EXOC3L4: variants seen among roughly 807,000 people sequenced by gnomAD.
EXOC3L4 encodes the protein exocyst complex component 3-like protein 4.
EXOC3L4 carries 62 observed loss-of-function variants against 69.7 expected under a neutral mutation model. The observed-to-expected ratio is 0.89, with a 90% CI of 0.72 to 1.10. The LOEUF is 1.10. EXOC3L4 is among the 50% of genes least tolerant of loss of function. The pLI is 0.00. For missense variants in EXOC3L4, 1,087 were observed against 1,034.8 expected, an observed-to-expected ratio of 1.05 and a Z score of -0.69; for synonymous variants, 502 against 464.2, an observed-to-expected ratio of 1.08 and a Z score of -1.05.
At position 103,104,082 on chromosome 14, in the gene EXOC3L4, C is replaced by T. The variant is rs753008931; in HGVS notation, c.1161+30C>T. On this transcript the variant is annotated intron_variant, in intron 4 of 11. Coordinates refer to ENST00000688303, the MANE Select transcript of EXOC3L4 (RefSeq NM_001077594.2). ...GGCCGGGCGGGTCAGGCTGGGCGGG[C>T]CAGGCTGGAGGGGGCGGGCCCTGGG... The T allele has an allele frequency of 9.9e-6, 15 of 1,520,240 alleles. No individual in the cohort carries two copies. The South Asian group carries it at 1.6e-4, about 16-fold the overall frequency. The allele number at this position is 1,520,240 out of a possible 1,614,324, so 94.2% of individuals were successfully genotyped here.
rs12589310 is a variant in EXOC3L4, at chr14:103,107,876, G to C, written c.1854+93G>C. On this transcript the variant is annotated intron_variant, in intron 10 of 11. Coordinates refer to ENST00000688303, the MANE Select transcript of EXOC3L4 (RefSeq NM_001077594.2). ...TTAGCGCCGGGAGGGCTTTTGGCAG[G>C]AGTGGTTCTCCCCACTCTGGATCAG... 1,726 of 1,436,372 alleles carry C rather than the reference G, an allele frequency of 1.2e-3. 36 individuals carry two copies. The East Asian group carries it at 0.035, about 29-fold the overall frequency. The allele number at this position is 1,436,372 out of a possible 1,614,324, so 89.0% of individuals were successfully genotyped here.
chr14:103,108,283 AGGAGGGCTGACGCTGCG>A (rs1389216716), intron 10 of EXOC3L4, 96 bp from the exon 11 acceptor site: 6 of 1,471,938 alleles, frequency 4.1e-6, no homozygotes, highest in Non-Finnish European at 5.5e-6. Context: ...GAGTGACTAC[AGGAGGGCTGACGCTGCG>A]GGAGGGCTGA....
Position 103,102,484 on chromosome 14 carries a change from A to G in EXOC3L4, c.761A>G (p.Gln254Arg). Residue 254 changes from glutamine (Q) to arginine (R), a missense_variant, in exon 3 of 12, where the codon CAG becomes CGG. Transcript: ENST00000688303. ...GAGGAGGCGGTGCGGCGAAGCGCTC[A>G]GGAGCGCGTGCGGCGGCCGGGCGCG... ...HWEEAVRRSA[Q>R]ERVRRPGAGW... The G allele has an allele frequency of 1.4e-6, 2 of 1,394,686 alleles. No homozygotes were observed. The highest frequency in any genetic ancestry group is 1.8e-6 in the Non-Finnish European group (2 of 1,082,858). The allele number at this position is 1,394,686 out of a possible 1,614,324, so 86.4% of individuals were successfully genotyped here. A position where few individuals can be genotyped will look rare whatever the true frequency, so the allele number is the denominator to read the frequency against.
chr14:103,104,398 C>T lies in EXOC3L4; in HGVS notation c.1284+9C>T, dbSNP rs1566950199. 1 of 1,550,926 alleles carries T rather than the reference C, an allele frequency of 6.4e-7. No individual in the cohort carries two copies. Among genetic ancestry groups the T allele is most frequent in the Non-Finnish European group, 8.7e-7 (1 of 1,149,962 alleles). ...CCATGGACGTCCATATGGTGCGGCC[C>T]GGGAGCAGGGGCTGAGAAGGGGCGT... On this transcript the variant is annotated intron_variant, in intron 5 of 11. Transcript: ENST00000688303.
intron 3 of EXOC3L4, among the ~76,000 whole-genome samples, chr14:103,103,140 G>C (rs1309748731): frequency 6.6e-6 from 1 of 152,134 alleles, no homozygotes; most frequent in African/African-American, 2.4e-5. Context: ...TGAGGCGGCC[G>C]ATCACCTGAG....
chr14:103,105,781 G>A (rs1240599509), intron 7 of EXOC3L4, among the ~76,000 whole-genome samples: 1 of 152,218 alleles, frequency 6.6e-6, no homozygotes, highest in Non-Finnish European at 1.5e-5. Context: ...CAGCAGATGC[G>A]GCAGCGCCAG....
At position 103,102,521 on chromosome 14, in the gene EXOC3L4, C is replaced by T. The variant is rs1456983329; in HGVS notation, c.798C>T (p.Phe266=). The change falls in exon 3 of 12, where the codon TTC becomes TTT. Residue 266 remains phenylalanine (F), a synonymous_variant. Transcript: ENST00000688303. ...RVRRPGAGWA[F]GEAEGASGLA... ...GGCGGCCGGGCGCGGGGTGGGCCTT[C>T]GGGGAGGCGGAGGGCGCGTCGGGTT... The T allele has an allele frequency of 7.9e-6, 11 of 1,395,484 alleles. No homozygotes were observed. Among genetic ancestry groups the T allele is most frequent in the Middle Eastern group, 2.2e-4 (1 of 4,518 alleles). 86.4% of individuals were successfully genotyped at this position (1,395,484 alleles called of 1,614,324 possible).
At chr14:103,109,075 A>G (rs1190057375) in intron 11 of EXOC3L4, among the ~76,000 whole-genome samples, 1 of 150,100 alleles carries the variant, frequency 6.7e-6, no homozygotes, top group Admixed American at 6.6e-5. Context: ...TGGCCCTTAC[A>G]TCACCCTGGG....
intron 1 of EXOC3L4, among the ~76,000 whole-genome samples, chr14:103,095,409 T>C (rs966925881): frequency 2.0e-5 from 3 of 151,946 alleles, no homozygotes; most frequent in Non-Finnish European, 4.4e-5. Context: ...GTGCCGAACA[T>C]GGTATGGGCT....
chr14:103,107,627 C>T lies in EXOC3L4; in HGVS notation c.1702-4C>T. 1 of 1,595,300 alleles carries T rather than the reference C, an allele frequency of 6.3e-7. No individual in the cohort carries two copies. Among genetic ancestry groups the T allele is most frequent in the Non-Finnish European group, 8.5e-7 (1 of 1,169,758 alleles). On this transcript the variant is annotated splice_polypyrimidine_tract_variant and splice_region_variant and intron_variant, in intron 9 of 11. Transcript: ENST00000688303. ...GACCCTGACCCTGACCCTGGGCCGC[C>T]CAGGAGACTCTGCAGGAGGTGCACC...
chr14:103,110,030 G>A lies in EXOC3L4; in HGVS notation c.1977-1G>A, dbSNP rs2139522372. 4 of 1,592,018 alleles carry A rather than the reference G, an allele frequency of 2.5e-6. No individual in the cohort carries two copies. Among genetic ancestry groups the A allele is most frequent in the Non-Finnish European group, 3.4e-6 (4 of 1,170,198 alleles). ...CAGTGAGTGCCCGCATGTCTCTGCA[G>A]GCGGGACCACATACTGGCCATTCTG... is the stretch of plus-strand genomic sequence containing the variant. On this transcript the variant is annotated splice_acceptor_variant, in intron 11 of 11. Coordinates refer to ENST00000688303, the MANE Select transcript of EXOC3L4 (RefSeq NM_001077594.2). LOFTEE classifies it high-confidence loss of function.
chr14:103,103,062 C>T lies in EXOC3L4; in HGVS notation c.1049+290C>T, dbSNP rs528628610. Among the ~76,000 whole-genome samples the T allele has an allele frequency of 1.4e-4, 21 of 152,272 alleles. No individual in the cohort carries two copies. The South Asian group carries it at 3.7e-3, about 27-fold the overall frequency. On this transcript the variant is annotated intron_variant, in intron 3 of 11. Transcript: ENST00000688303. ...TGGTTCCACCAGGTGCCTTTGGGCG[C>T]ATCAGAAAAGGGCACATCTTGGCCA...
intron 6 of EXOC3L4, 58 bp from the exon 7 acceptor site, chr14:103,104,934 C>A: frequency 6.3e-7 from 1 of 1,581,578 alleles, no homozygotes. Flanking sequence ...GGAGGGTGGA[C>A]CCAGGGTCAT....
Position 103,097,152 on chromosome 14 carries a change from C to T in EXOC3L4, c.-17+2312C>T, listed in dbSNP as rs183514834. Among the ~76,000 whole-genome samples the T allele has an allele frequency of 4.6e-5, 7 of 151,888 alleles. No individual in the cohort carries two copies. The highest frequency in any genetic ancestry group is 4.8e-5 in the African/African-American group (2 of 41,400). On this transcript the variant is annotated intron_variant, in intron 1 of 11. Coordinates refer to ENST00000688303, the MANE Select transcript of EXOC3L4 (RefSeq NM_001077594.2). This position sits in a 1 kb window ranked among gnomAD's most constrained non-coding sequence, Gnocchi z 4.9. ...TGGGGGTAGGGAGGGTGGGGAAGTT[C>T]GGACTTGACTTCTCGGACACAGCTA... is the stretch of plus-strand genomic sequence containing the variant.
At chr14:103,100,681 G>C (rs1202738187) in intron 2 of EXOC3L4, 68 bp downstream of exon 2, 2 of 1,496,816 alleles carry the variant, frequency 1.3e-6, no homozygotes, top group Admixed American at 4.6e-5. Flanking sequence ...GCTCAGCTGA[G>C]GTTTCCGGAA....
chr14:103,109,908 C>T, intron 11 of EXOC3L4, 123 bp from the exon 12 acceptor site: 2 of 1,109,620 alleles, frequency 1.8e-6, no homozygotes, highest in South Asian at 1.6e-5. Flanking sequence ...ATCTGACCTC[C>T]CTGACCATCC....
At chr14:103,107,856 G>T in intron 10 of EXOC3L4, 73 bp downstream of exon 10, 1 of 1,447,150 alleles carries the variant, frequency 6.9e-7, no homozygotes, top group Non-Finnish European at 9.1e-7. Context: ...GGGCCTTAGC[G>T]CCGGGAGGGC....
chr14:103,095,934 T>C (rs1042423359), intron 1 of EXOC3L4, among the ~76,000 whole-genome samples: 2 of 152,236 alleles, frequency 1.3e-5, no homozygotes, highest in African/African-American at 4.8e-5. Context: ...CTTTCCTTAT[T>C]GCCTTAACTA....
chr14:103,096,700 T>A (rs1355493333), intron 1 of EXOC3L4, among the ~76,000 whole-genome samples: 1 of 152,244 alleles, frequency 6.6e-6, no homozygotes, highest in Non-Finnish European at 1.5e-5. Flanking sequence ...TTAGGCATTC[T>A]TAGTCGGACT....
Sources: gnomAD v4.1 joint callset for allele counts (sites outside exome capture counted in the v4.1 genomes callset) on GRCh38, gnomAD v4.1.1 for gene constraint, Gnocchi (gnomAD v3.1) non-coding constraint, MANE v1.5 for transcripts, NCBI Gene and HGNC (gene_info 2026-07-23, HGNC 2026-07-21) for gene names.